Variants in SLFN12L observed in about 807,000 individuals in gnomAD.
SLFN12L encodes the protein schlafen family member 12 like, also known as schlafen family member 12-like.
A neutral mutation model predicts 34.8 loss-of-function variants in SLFN12L; 34 were observed. The ratio of observed to expected loss-of-function variants is 0.98; its 90% CI spans 0.74 to 1.30. The LOEUF (loss-of-function observed/expected upper bound fraction) is 1.30, where lower values mean the gene tolerates loss of function less well. Among genes scored for constraint, SLFN12L ranks in the 50% most tolerant of loss-of-function variants. SLFN12L has a pLI of 0.00. For synonymous variants in SLFN12L, 259 were observed against 247.5 expected (o/e 1.05, Z -0.44); for missense variants, 703 against 696.2 (o/e 1.01, Z -0.11).
At chr17:35,480,253 T>A in intron 2 of SLFN12L, 58 bp from the exon 3 acceptor site, 1 of 1,332,742 alleles carries the variant, frequency 7.5e-7, no homozygotes, top group Non-Finnish European at 1.0e-6. Flanking sequence ...AATTCTGCAT[T>A]ATGAGGCAAA....
chr17:35,522,627 AGC>A lies in SLFN12L; in HGVS notation c.-265_-264del, dbSNP rs1916032218. On this transcript the variant is annotated 5_prime_UTR_variant, in exon 2 of 5. An upstream open reading frame in the 5' UTR gains an earlier in-frame stop. Transcript: ENST00000628453. The stretch of plus-strand genomic sequence containing the variant: ...CCATCGGAGACACTGCAGCCTCCAA[AGC>A]CTCTGCGCTGCTCTCAGGACTCAGG... 1 of 1,612,180 alleles carries A rather than the reference AGC, an allele frequency of 6.2e-7. No homozygotes were observed. Among genetic ancestry groups the A allele is most frequent in the Non-Finnish European group, 8.5e-7 (1 of 1,179,132 alleles).
chr17:35,489,208 A>G (rs1914733621), intron 2 of SLFN12L, among the ~76,000 whole-genome samples: 1 of 151,908 alleles, frequency 6.6e-6, no homozygotes, highest in African/African-American at 2.4e-5. Context: ...TAGTGCAGGG[A>G]TTTTCCCAGA....
At chr17:35,504,553 TC>T (rs1915404801) in intron 2 of SLFN12L, among the ~76,000 whole-genome samples, 2 of 152,198 alleles carry the variant, frequency 1.3e-5, no homozygotes, top group African/African-American at 2.4e-5. Context: ...GCCCAGATTG[TC>T]CCCTTTCCAC....
At chr17:35,517,343 A>G (rs537294312) in intron 2 of SLFN12L, among the ~76,000 whole-genome samples, 81 of 152,346 alleles carry the variant, frequency 5.3e-4, no homozygotes, top group African/African-American at 1.9e-3. Context: ...ACAACTTACA[A>G]GGGACGTGAA....
At chr17:35,490,279 C>G (rs946531233) in intron 2 of SLFN12L, 3 of 1,503,578 alleles carry the variant, frequency 2.0e-6, no homozygotes, top group Admixed American at 1.7e-5. Context: ...CAAAAACCCC[C>G]AAGGGCAAAG....
chr17:35,476,600 G>A (rs1183023840), intron 4 of SLFN12L, among the ~76,000 whole-genome samples: 2 of 152,088 alleles, frequency 1.3e-5, no homozygotes, highest in African/African-American at 4.8e-5. Flanking sequence ...GCCTCACGGT[G>A]CTCAGGAAAC....
At position 35,471,239 on chromosome 17, in the gene SLFN12L, C is replaced by T; in HGVS notation, c.*3684G>A. Among the ~76,000 whole-genome samples, 1 of 151,478 alleles carries T rather than the reference C, an allele frequency of 6.6e-6. No individual in the cohort carries two copies. Among genetic ancestry groups the T allele is most frequent in the East Asian group, 1.9e-4 (1 of 5,146 alleles). Reference sequence around the variant, plus strand: ...GCAACCTCTGCCTCCCGGGTTCAAGCAATTTTCATGTCTCAGCCTCCCAAG... The same window carrying T: ...GCAACCTCTGCCTCCCGGGTTCAAGTAATTTTCATGTCTCAGCCTCCCAAG... On this transcript the variant is annotated 3_prime_UTR_variant, in exon 5 of 5. Coordinates refer to ENST00000628453, the MANE Select transcript of SLFN12L (RefSeq NM_001363830.2).
intron 2 of SLFN12L, chr17:35,514,834 C>A: frequency 2.5e-6 from 1 of 396,200 alleles, no homozygotes; most frequent in Non-Finnish European, 4.9e-6. Flanking sequence ...GGGGCTTTGT[C>A]AGAAGCATCT....
At chr17:35,507,958 AAAG>A (rs1298933069) in intron 2 of SLFN12L, among the ~76,000 whole-genome samples, 3 of 152,136 alleles carry the variant, frequency 2.0e-5, no homozygotes, top group South Asian at 2.1e-4. Flanking sequence ...TTCTGCCTCC[AAAG>A]AAGAAGAAGT....
intron 2 of SLFN12L, among the ~76,000 whole-genome samples, chr17:35,484,998 G>A (rs936553554): frequency 6.6e-6 from 1 of 152,020 alleles, no homozygotes; most frequent in Non-Finnish European, 1.5e-5. Context: ...ATTTCATCTA[G>A]GTTATTTGAT....
At chr17:35,514,423 T>C (rs563010555) in intron 2 of SLFN12L, among the ~76,000 whole-genome samples, 42 of 152,388 alleles carry the variant, frequency 2.8e-4, no homozygotes, top group African/African-American at 9.9e-4. Context: ...ATTCTTCAGT[T>C]TCTCCTACAC....
In SLFN12L at chr17:35,464,364, C is replaced by T. The variant is rs921811239; in HGVS notation, c.*10559G>A. The T allele has an allele frequency of 2.0e-5, 3 of 152,172 alleles. No homozygotes were observed. The highest frequency in any genetic ancestry group is 4.4e-5 in the Non-Finnish European group (3 of 68,028). The allele number at this position is 152,172 out of a possible 1,614,324, so 9.4% of individuals were successfully genotyped here. On this transcript the variant is annotated 3_prime_UTR_variant, in exon 5 of 5. Coordinates refer to ENST00000628453, the MANE Select transcript of SLFN12L (RefSeq NM_001363830.2). ...TTTTGTTATACATATTATTTCATCA[C>T]CCAGGTATTAAGCCCATACCCAATA...
chr17:35,514,180 A>G (rs1915742202), intron 2 of SLFN12L, among the ~76,000 whole-genome samples: 1 of 152,242 alleles, frequency 6.6e-6, no homozygotes, highest in Non-Finnish European at 1.5e-5. Flanking sequence ...AAATGCAAGG[A>G]GATAATTGCT....
intron 2 of SLFN12L, among the ~76,000 whole-genome samples, chr17:35,507,407 C>A (rs1173566181): frequency 6.6e-6 from 1 of 152,104 alleles, no homozygotes. Context: ...ACTGGCAGAG[C>A]CTTGACTATT....
chr17:35,487,753 T>G (rs1914651091), intron 2 of SLFN12L: 1 of 1,535,962 alleles, frequency 6.5e-7, no homozygotes, highest in Non-Finnish European at 8.7e-7. Context: ...TGCGCACTCT[T>G]CACCAAGTAG....
At chr17:35,517,862 T>C (rs1915879383) in intron 2 of SLFN12L, among the ~76,000 whole-genome samples, 1 of 152,222 alleles carries the variant, frequency 6.6e-6, no homozygotes, top group South Asian at 2.1e-4. Context: ...AAACAGAAAC[T>C]GTACTCCTTC....
chr17:35,491,176 AGCGATCTCTTTGAT>A, intron 2 of SLFN12L: 1 of 882,842 alleles, frequency 1.1e-6, no homozygotes, highest in Non-Finnish European at 1.8e-6. Flanking sequence ...GGAAGGCATC[AGCGATCTCTTTGAT>A]GCCTATGATT....
At chr17:35,515,250 C>T (rs1021674408) in intron 2 of SLFN12L, 6 of 472,714 alleles carry the variant, frequency 1.3e-5, no homozygotes, top group African/African-American at 1.0e-4. Context: ...TGCCCACAAA[C>T]CATCCGAGCA....
intron 2 of SLFN12L, among the ~76,000 whole-genome samples, chr17:35,481,438 G>A (rs1403360878): frequency 6.6e-6 from 1 of 152,226 alleles, no homozygotes; most frequent in Non-Finnish European, 1.5e-5. Flanking sequence ...CTTCTAGATA[G>A]CAGTAGCAGA....
Sources: allele counts gnomAD v4.1 joint callset (sites outside exome capture counted in the v4.1 genomes callset), GRCh38; gene constraint gnomAD v4.1.1; transcripts MANE v1.5; gene names NCBI Gene and HGNC (gene_info 2026-07-23, HGNC 2026-07-21).